The following TAFA2 variants were observed in gnomAD, a reference collection of about 807,000 sequenced individuals.
TAFA2 encodes the protein TAFA chemokine like family member 2, also known as chemokine-like protein TAFA-2.
In TAFA2, 7 loss-of-function variants were observed where a neutral mutation model predicts 18.8. The ratio of observed to expected loss-of-function variants is 0.37; its 90% CI spans 0.21 to 0.70. The LOEUF is 0.70. TAFA2 is among the 30% of genes least tolerant of loss of function. TAFA2 has a pLI of 0.53. For synonymous variants in TAFA2, 60 were observed against 54.2 expected (o/e 1.11, Z -0.47); for missense variants, 122 against 158.1 (o/e 0.77, Z 1.23).
chr12:61,991,007 CTG>C (rs1565707865), intron 1 of TAFA2, among the ~76,000 whole-genome samples: 1 of 152,138 alleles, frequency 6.6e-6, no homozygotes, highest in Non-Finnish European at 1.5e-5. Flanking sequence ...CATAAATTAA[CTG>C]TGCATGGGGC....
At chr12:62,229,334 A>G (rs976308547) in intron 1 of TAFA2, among the ~76,000 whole-genome samples, 1 of 152,036 alleles carries the variant, frequency 6.6e-6, no homozygotes, top group African/African-American at 2.4e-5. Context: ...CCCATTCACT[A>G]TAATGCTAGC....
At chr12:61,763,646 C>T (rs1253315603) in intron 2 of TAFA2, among the ~76,000 whole-genome samples, 1 of 151,870 alleles carries the variant, frequency 6.6e-6, no homozygotes, top group African/African-American at 2.4e-5. Flanking sequence ...AGCTGCAGAA[C>T]AGACACATGG....
intron 1 of TAFA2, among the ~76,000 whole-genome samples, chr12:62,081,002 G>T (rs1361006984): frequency 6.6e-6 from 1 of 152,138 alleles, no homozygotes; most frequent in African/African-American, 2.4e-5. Flanking sequence ...AGACCATTCT[G>T]CCTGACACGG....
rs370829809 is a variant in TAFA2, at chr12:61,905,859, C to G, written c.-1-38433G>C. Among the ~76,000 whole-genome samples the G allele has an allele frequency of 7.0e-3, 1,064 of 152,252 alleles. 8 individuals carry two copies. The highest frequency in any genetic ancestry group is 0.013 in the Admixed American group (194 of 15,274). ...TGCCTTTGACAACTCTTGATTGCCA[C>G]CAGGCACACAGACACACTCACACAC... On this transcript the variant is annotated intron_variant, in intron 1 of 4. Transcript: ENST00000416284.
At chr12:62,229,358 T>C (rs763409472) in intron 1 of TAFA2, among the ~76,000 whole-genome samples, 2 of 152,168 alleles carry the variant, frequency 1.3e-5, no homozygotes, top group Non-Finnish European at 1.5e-5. Context: ...TGGTTTGTCA[T>C]ATGTGGCCTT....
chr12:61,977,497 A>G (rs1592526361), intron 1 of TAFA2, among the ~76,000 whole-genome samples: 3 of 152,044 alleles, frequency 2.0e-5, no homozygotes, highest in Non-Finnish European at 4.4e-5. Context: ...CATGGCTTCC[A>G]TTGCTAAGCC....
intron 4 of TAFA2, among the ~76,000 whole-genome samples, chr12:61,740,069 C>T (rs1233951958): frequency 6.6e-6 from 1 of 152,052 alleles, no homozygotes; most frequent in African/African-American, 2.4e-5. Flanking sequence ...AATAAATTTA[C>T]ACTGCCTGAT....
At chr12:62,161,250 A>G (rs1920097) in intron 1 of TAFA2, among the ~76,000 whole-genome samples, 140,846 of 152,264 alleles carry the variant, frequency 0.93, 65,280 homozygotes, top group African/African-American at 0.96. Context: ...AAAGATACTC[A>G]CACTCATTTT....
chr12:62,175,356 T>C (rs7967690), intron 1 of TAFA2, among the ~76,000 whole-genome samples: 39,356 of 152,012 alleles, frequency 0.26, 5,441 homozygotes, highest in Non-Finnish European at 0.3. Flanking sequence ...GGACCACATT[T>C]ATAAAGTGAA....
chr12:62,060,724 G>A (rs1485426090), intron 1 of TAFA2, among the ~76,000 whole-genome samples: 1 of 152,184 alleles, frequency 6.6e-6, no homozygotes, highest in Non-Finnish European at 1.5e-5. Context: ...AAGATATGGA[G>A]GCTGCAGACA....
intron 4 of TAFA2, among the ~76,000 whole-genome samples, chr12:61,749,356 G>C (rs76534950): frequency 0.029 from 4,471 of 152,082 alleles, 229 homozygotes; most frequent in African/African-American, 0.1. Flanking sequence ...TGTGGGCTTG[G>C]ATCAAGCCAT....
Position 62,172,135 on chromosome 12 carries a change from T to C in TAFA2, c.-2+19124A>G, listed in dbSNP as rs529247633. 4.6e-5 allele frequency among the ~76,000 whole-genome samples: 7 copies of C among 152,336 alleles called. No individual in the cohort carries two copies. The East Asian group carries it at 1.3e-3, about 29-fold the overall frequency. Reference sequence around the variant, plus strand: ...ATCATGAGTTTAAAAATGATTCTTTTAAAAAAGAAAACATTTCAGACAAAT... The same window carrying C: ...ATCATGAGTTTAAAAATGATTCTTTCAAAAAAGAAAACATTTCAGACAAAT... On this transcript the variant is annotated intron_variant, in intron 1 of 4. Transcript: ENST00000416284.
chr12:61,870,921 A>G (rs556364365), intron 1 of TAFA2, among the ~76,000 whole-genome samples: 4 of 152,310 alleles, frequency 2.6e-5, no homozygotes, highest in African/African-American at 9.6e-5. Context: ...AGATTCCTAA[A>G]GACAGCAACT....
chr12:62,002,434 G>C (rs73312235), intron 1 of TAFA2, among the ~76,000 whole-genome samples: 1 of 152,156 alleles, frequency 6.6e-6, no homozygotes, highest in African/African-American at 2.4e-5. Flanking sequence ...TGCGTAATGG[G>C]CCTAGCTACA....
chr12:62,076,600 T>G (rs1264580447), intron 1 of TAFA2, among the ~76,000 whole-genome samples: 1 of 152,182 alleles, frequency 6.6e-6, no homozygotes, highest in African/African-American at 2.4e-5. Context: ...GTCTGTGTAT[T>G]GTGGCCAAGA....
intron 1 of TAFA2, among the ~76,000 whole-genome samples, chr12:61,960,094 T>C (rs1322721008): frequency 6.6e-6 from 1 of 152,102 alleles, no homozygotes; most frequent in Non-Finnish European, 1.5e-5. Context: ...TGAAGTTTGA[T>C]TTAATTTTTA....
intron 1 of TAFA2, among the ~76,000 whole-genome samples, chr12:62,140,879 G>A (rs1253435053): frequency 1.3e-5 from 2 of 152,168 alleles, no homozygotes; most frequent in South Asian, 2.1e-4. Flanking sequence ...TAGCACATGG[G>A]GTCAAATTAA....
chr12:61,782,605 G>C (rs1259195458), intron 2 of TAFA2, among the ~76,000 whole-genome samples: 2 of 151,702 alleles, frequency 1.3e-5, no homozygotes, highest in Admixed American at 6.6e-5. Context: ...TAAGGGCTAT[G>C]TCATGAGCCA....
At chr12:62,215,017 G>C (rs1592404354) in intron 1 of TAFA2, among the ~76,000 whole-genome samples, 1 of 152,114 alleles carries the variant, frequency 6.6e-6, no homozygotes, top group Non-Finnish European at 1.5e-5. Context: ...CCACTCTCCT[G>C]ACTCAAAGGG....
Sources: allele counts gnomAD v4.1 joint callset (sites outside exome capture counted in the v4.1 genomes callset), GRCh38; gene constraint gnomAD v4.1.1; transcripts MANE v1.5; gene names NCBI Gene and HGNC (gene_info 2026-07-23, HGNC 2026-07-21).